The following UBAP1L variants were observed in gnomAD, a reference collection of about 807,000 sequenced individuals.
UBAP1L encodes ubiquitin associated protein 1 like, also known as ubiquitin-associated protein 1-like.
Under a neutral mutation model 32.1 loss-of-function variants are expected in UBAP1L, and 32 were observed. The observed-to-expected ratio is 1.00, with a 90% CI of 0.75 to 1.34. The LOEUF (loss-of-function observed/expected upper bound fraction) is 1.34, where lower values mean the gene tolerates loss of function less well. UBAP1L is among the 40% of genes most tolerant of loss of function. UBAP1L has a pLI of 0.00. For missense variants in UBAP1L, 516 were observed against 540.5 expected, an observed-to-expected ratio of 0.95 and a Z score of 0.45; for synonymous variants, 243 against 250.2, an observed-to-expected ratio of 0.97 and a Z score of 0.27.
At position 65,092,896 on chromosome 15, in the gene UBAP1L, C is replaced by T. The variant is rs1161992239; in HGVS notation, c.*201G>A. The T allele has an allele frequency of 7.1e-6, 5 of 704,206 alleles. No homozygotes were observed. Among genetic ancestry groups the T allele is most frequent in the African/African-American group, 5.4e-5 (3 of 55,146 alleles). The allele number at this position is 704,206 out of a possible 1,614,324, so 43.6% of individuals were successfully genotyped here. ...ATAGCTCCCCGTCCGGCTCTCCCAT[C>T]TGCCCCTCTGCAGAGGCAACTATTT... On this transcript the variant is annotated 3_prime_UTR_variant, in exon 6 of 6. Transcript: ENST00000559089.
At position 65,108,752 on chromosome 15, in the gene UBAP1L, CAAATAAAT is replaced by C. The variant is rs10639874; in HGVS notation, c.-173-2372_-173-2365del. The stretch of plus-strand genomic sequence containing the variant: ...TGGGCAACAAAATGAGACACTGTCT[CAAATAAAT>C]AAATAAATAAATAAATAAATTAAAT... On this transcript the variant is annotated intron_variant, in intron 1 of 5. Transcript: ENST00000559089. Among the ~76,000 whole-genome samples the C allele has an allele frequency of 4.5e-3, 665 of 146,326 alleles. 2 individuals carry two copies. The highest frequency in any genetic ancestry group is 6.6e-3 in the Non-Finnish European group (438 of 66,578).
intron 1 of UBAP1L, among the ~76,000 whole-genome samples, chr15:65,110,163 A>G (rs889151984): frequency 6.6e-6 from 1 of 151,848 alleles, no homozygotes; most frequent in Admixed American, 6.6e-5. Context: ...GATTGAGACC[A>G]TCCTGGCCAA....
At chr15:65,112,286 A>G (rs2087373965) in intron 1 of UBAP1L, among the ~76,000 whole-genome samples, 1 of 152,202 alleles carries the variant, frequency 6.6e-6, no homozygotes, top group African/African-American at 2.4e-5. Flanking sequence ...TAAAATTGAA[A>G]GGGTAGACTG....
intron 1 of UBAP1L, among the ~76,000 whole-genome samples, chr15:65,107,242 C>T (rs1467026782): frequency 1.3e-5 from 2 of 151,204 alleles, no homozygotes; most frequent in East Asian, 1.9e-4. Flanking sequence ...AGGGAATTTT[C>T]TTAACTAATA....
rs768119838 is a variant in UBAP1L at position 65,102,877 on chromosome 15, A to AT, written c.121-194dup. Among the ~76,000 whole-genome samples, 1 of 152,222 alleles carries AT rather than the reference A, an allele frequency of 6.6e-6. No homozygotes were observed. Among genetic ancestry groups the AT allele is most frequent in the Admixed American group, 6.5e-5 (1 of 15,276 alleles). ...CTAACACTGTGGTCGATGGATACCA[A>AT]TAACAGTTTAATGGCAAACTGGCAT... On this transcript the variant is annotated intron_variant, in intron 2 of 5. Transcript: ENST00000559089. The surrounding 1 kb of genome is among the most constrained non-coding windows in gnomAD (Gnocchi z 5.0).
chr15:65,094,409 A>G lies in UBAP1L; in HGVS notation c.1011+66T>C. The G allele has an allele frequency of 8.3e-7, 1 of 1,207,494 alleles. No homozygotes were observed. The allele number at this position is 1,207,494 out of a possible 1,614,324, so 74.8% of individuals were successfully genotyped here. On this transcript the variant is annotated intron_variant, in intron 5 of 5. Transcript: ENST00000559089. The surrounding 1 kb of genome is among the most constrained non-coding windows in gnomAD (Gnocchi z 4.2). Reference sequence around the variant, plus strand: ...TCTGAGGACTGGTGTGGCCCTGCACACCGGGCTCCTGGGTACACCCCCATC... The same window carrying G: ...TCTGAGGACTGGTGTGGCCCTGCACGCCGGGCTCCTGGGTACACCCCCATC...
rs1259821920 is a variant in UBAP1L, at chr15:65,105,874, T to G, written c.120+222A>C. 3 of 702,778 alleles carry G rather than the reference T, an allele frequency of 4.3e-6. No individual in the cohort carries two copies. In the East Asian group the frequency reaches 8.1e-5, roughly 19 times the overall value. 43.5% of individuals were successfully genotyped at this position (702,778 alleles called of 1,614,324 possible). The stretch of plus-strand genomic sequence containing the variant: ...GGCACAATCTTGGTTCACTGCAACC[T>G]CCACCTCCTGGATTCAAACAATTCT... On this transcript the variant is annotated intron_variant, in intron 2 of 5. Transcript: ENST00000559089.
intron 2 of UBAP1L, among the ~76,000 whole-genome samples, chr15:65,104,660 G>A (rs2140566455): frequency 6.6e-6 from 1 of 152,332 alleles, no homozygotes; most frequent in South Asian, 2.1e-4. Context: ...AGGATTGCTT[G>A]AGCCCAGGAA....
At chr15:65,107,377 C>T (rs1293127695) in intron 1 of UBAP1L, among the ~76,000 whole-genome samples, 3 of 149,940 alleles carry the variant, frequency 2.0e-5, no homozygotes, top group Non-Finnish European at 3.0e-5. Flanking sequence ...AAAGGAATTA[C>T]ATCTCTCTAT....
chr15:65,099,882 G>C, intron 3 of UBAP1L, 168 bp from the exon 4 acceptor site: 1 of 575,940 alleles, frequency 1.7e-6, no homozygotes, highest in East Asian at 2.9e-5. Context: ...TGCTTACTCA[G>C]TATACTCATA....
At chr15:65,105,009 T>TA (rs750257442) in intron 2 of UBAP1L, 4,566 of 85,024 alleles carry the variant, frequency 0.054, 392 homozygotes, top group African/African-American at 0.091. Flanking sequence ...CTGTCTCAAA[T>TA]GAAAAAAAAA....
chr15:65,110,664 G>A (rs1393374099), intron 1 of UBAP1L, among the ~76,000 whole-genome samples: 2 of 137,470 alleles, frequency 1.5e-5, no homozygotes, highest in East Asian at 2.1e-4. Context: ...CAGCCTGGGC[G>A]ACAGAGTGAG....
chr15:65,114,511 T>C (rs1484899567), intron 1 of UBAP1L, among the ~76,000 whole-genome samples: 1 of 152,198 alleles, frequency 6.6e-6, no homozygotes, highest in Non-Finnish European at 1.5e-5. Context: ...AATATATAAA[T>C]TGGCTGATAA....
At chr15:65,107,883 C>T (rs1179178825) in intron 1 of UBAP1L, among the ~76,000 whole-genome samples, 5 of 152,010 alleles carry the variant, frequency 3.3e-5, no homozygotes, top group Admixed American at 6.5e-5. Flanking sequence ...GAACATACCA[C>T]GTTCAAGGAT....
chr15:65,094,866 G>A lies in UBAP1L; in HGVS notation c.910-290C>T. 1 of 470,466 alleles carries A rather than the reference G, an allele frequency of 2.1e-6. No individual in the cohort carries two copies. Among genetic ancestry groups the A allele is most frequent in the Admixed American group, 3.4e-5 (1 of 29,568 alleles). The allele number at this position is 470,466 out of a possible 1,614,324, so 29.1% of individuals were successfully genotyped here. On this transcript the variant is annotated intron_variant, in intron 4 of 5. Transcript: ENST00000559089. The surrounding 1 kb of genome is among the most constrained non-coding windows in gnomAD (Gnocchi z 4.2). ...CTAGGGTGTTCATAGAACCTAGGTG[G>A]GGAGCAGGACAGGCTTCAAACACAG... is the stretch of plus-strand genomic sequence containing the variant.
At chr15:65,109,943 C>T (rs893625571) in intron 1 of UBAP1L, among the ~76,000 whole-genome samples, 2 of 152,246 alleles carry the variant, frequency 1.3e-5, no homozygotes, top group African/African-American at 4.8e-5. Context: ...TCACACATCA[C>T]TTCTTGGCTT....
chr15:65,102,062 G>T lies in UBAP1L; in HGVS notation c.699+44C>A. On this transcript the variant is annotated intron_variant, in intron 3 of 5. Coordinates refer to ENST00000559089, the MANE Select transcript of UBAP1L (RefSeq NM_001163692.2). The surrounding 1 kb of genome is among the most constrained non-coding windows in gnomAD (Gnocchi z 5.0). Reference sequence around the variant, plus strand: ...GCTGGACACCCAGATTATGGGGCCTGGGCTGCTGATTGGCGGCCTTGGAGG... The same window carrying T: ...GCTGGACACCCAGATTATGGGGCCTTGGCTGCTGATTGGCGGCCTTGGAGG... The T allele has an allele frequency of 1.1e-6, 1 of 919,210 alleles. No homozygotes were observed. Among genetic ancestry groups the T allele is most frequent in the Non-Finnish European group, 1.4e-6 (1 of 709,954 alleles). The allele number at this position is 919,210 out of a possible 1,614,324, so 56.9% of individuals were successfully genotyped here.
Position 65,099,573 on chromosome 15 carries a change from C to T in UBAP1L, c.841G>A (p.Ala281Thr), listed in dbSNP as rs1184176972. 3.9e-6 allele frequency: 6 copies of T among 1,551,540 alleles called. No homozygotes were observed. In the East Asian group the frequency reaches 7.3e-5, roughly 19 times the overall value. Reference sequence around the variant, plus strand: ...GCCCTTCGCAGGGGATATCCCAGGGCGACCACTGGCCCAATGAGGTCTTGC... The same window carrying T: ...GCCCTTCGCAGGGGATATCCCAGGGTGACCACTGGCCCAATGAGGTCTTGC... ...EEQDLIGPVV[A>T]LGYPLRRAII... The change falls in exon 4 of 6, where the codon GCC (alanine) becomes ACC (threonine). Residue 281 changes from alanine (A) to threonine (T), a missense_variant. Ala to Thr is a moderately conservative substitution (Grantham distance 58, BLOSUM62 0). Coordinates refer to ENST00000559089, the MANE Select transcript of UBAP1L (RefSeq NM_001163692.2).
rs2087258347 is a variant in UBAP1L at position 65,102,639 on chromosome 15, C to A, written c.166G>T (p.Ala56Ser). 3 of 1,549,028 alleles carry A rather than the reference C, an allele frequency of 1.9e-6. No homozygotes were observed. Among genetic ancestry groups the A allele is most frequent in the Admixed American group, 2.0e-5 (1 of 50,988 alleles). Residue 56 changes from alanine to serine, a missense_variant, in exon 3 of 6, where the codon GCC (alanine) becomes TCC (serine). Physicochemically the swap from Ala to Ser is moderately conservative, Grantham distance 99 (BLOSUM62 1). Coordinates refer to ENST00000559089, the MANE Select transcript of UBAP1L (RefSeq NM_001163692.2). The surrounding 1 kb of genome is among the most constrained non-coding windows in gnomAD (Gnocchi z 5.0). ...ERTALFWVEA[A>S]GQGPSPYQCG... ...TGGTACGGGCTGGGTCCCTGGCCGG[C>A]GGCCTCCACCCAGAAGAGTGCCGTC...
Sources: gnomAD v4.1 joint callset for allele counts (sites outside exome capture counted in the v4.1 genomes callset) on GRCh38, gnomAD v4.1.1 for gene constraint, Gnocchi (gnomAD v3.1) non-coding constraint, MANE v1.5 for transcripts, NCBI Gene and HGNC (gene_info 2026-07-23, HGNC 2026-07-21) for gene names.